Variants in PCDHA6 observed in about 807,000 individuals in gnomAD.
PCDHA6 encodes protocadherin alpha-6.
Under a neutral mutation model 60.3 loss-of-function variants are expected in PCDHA6, and 55 were observed. That is an observed-to-expected ratio of 0.91 (90% CI 0.73 to 1.14). The LOEUF is 1.14. PCDHA6 is among the 50% of genes most tolerant of loss of function. The probability of loss-of-function intolerance (pLI) is 0.00; values close to 1 mark genes in which losing one functional copy is unlikely to be tolerated. For missense variants in PCDHA6, 1,327 were observed against 1,256.5 expected (o/e 1.06, Z -0.85); for synonymous variants, 652 against 557.9 (o/e 1.17, Z -2.38).
At chr5:141,002,184 T>A (rs1554258557) in intron 3 of PCDHA6, among the ~76,000 whole-genome samples, 1 of 152,218 alleles carries the variant, frequency 6.6e-6, no homozygotes, top group East Asian at 1.9e-4. Flanking sequence ...CAGAGTGCTG[T>A]CTGGCAAGAT....
rs2150353254 is a variant in PCDHA6 at position 140,843,123 on chromosome 5, C to A, written c.2394+12638C>A. On this transcript the variant is annotated intron_variant, in intron 1 of 3. Transcript: ENST00000529310. ...AAGGTGCGCGCAGTGGACGCCGACT[C>A]GGGCTACAACGCGTGGCTTTCGTAT... The A allele has an allele frequency of 3.1e-6, 5 of 1,595,902 alleles. No individual in the cohort carries two copies. In the South Asian group the frequency reaches 3.3e-5, roughly 11 times the overall value.
chr5:140,863,411 T>G, intron 1 of PCDHA6: 4 of 754,032 alleles, frequency 5.3e-6, no homozygotes, highest in African/African-American at 1.8e-5. Context: ...CCCACGCTGG[T>G]GTACCGCAGC....
intron 2 of PCDHA6, among the ~76,000 whole-genome samples, 188 bp downstream of exon 2, chr5:140,979,195 T>C (rs1554240340): frequency 1.3e-5 from 2 of 152,232 alleles, no homozygotes; most frequent in African/African-American, 4.8e-5. Context: ...GCCAGATGCT[T>C]ATCAAGTGCT....
intron 1 of PCDHA6, among the ~76,000 whole-genome samples, chr5:140,915,164 G>T (rs782783727): frequency 2.6e-5 from 4 of 152,026 alleles, no homozygotes; most frequent in Non-Finnish European, 4.4e-5. Flanking sequence ...GGCCAGGATA[G>T]TCTCGATCTC....
In PCDHA6 at chr5:141,010,166, A is replaced by G; in HGVS notation, c.*229A>G. 1 of 1,562,828 alleles carries G rather than the reference A, an allele frequency of 6.4e-7. No homozygotes were observed. The highest frequency in any genetic ancestry group is 8.7e-7 in the Non-Finnish European group (1 of 1,152,678). ...TCTCTCCACTCTGGCTTGTTTTCAG[A>G]ACCTAAAAAGCAGACCCAAGTTTCC... On this transcript the variant is annotated 3_prime_UTR_variant, in exon 4 of 4. Transcript: ENST00000529310.
At chr5:140,836,321 C>G (rs2150257689) in intron 1 of PCDHA6, 3 of 1,613,768 alleles carry the variant, frequency 1.9e-6, no homozygotes, top group Non-Finnish European at 2.5e-6. Context: ...CGCGCCACCG[C>G]CTTCTGGTGC....
At chr5:140,926,979 G>A (rs782354889) in intron 1 of PCDHA6, 1 of 1,610,590 alleles carries the variant, frequency 6.2e-7, no homozygotes. Flanking sequence ...TGCCGGAGGA[G>A]ACGGAGCGGG....
chr5:140,903,273 T>G (rs1213268192), intron 1 of PCDHA6, among the ~76,000 whole-genome samples: 2 of 152,228 alleles, frequency 1.3e-5, no homozygotes, highest in Non-Finnish European at 2.9e-5. Flanking sequence ...AGTGAGGTAG[T>G]GTCTCATTGT....
chr5:140,954,996 A>G (rs879953600), intron 1 of PCDHA6, among the ~76,000 whole-genome samples: 16 of 152,214 alleles, frequency 1.1e-4, no homozygotes, highest in Non-Finnish European at 1.6e-4. Flanking sequence ...GCATATGGCT[A>G]GCCAATTCTC....
intron 1 of PCDHA6, among the ~76,000 whole-genome samples, chr5:140,970,662 C>T (rs575204326): frequency 6.6e-6 from 1 of 152,268 alleles, no homozygotes; most frequent in South Asian, 2.1e-4. Flanking sequence ...TGTTATCTTT[C>T]CAAATAACTA....
chr5:140,982,795 A>ATG (rs60616196), intron 3 of PCDHA6, among the ~76,000 whole-genome samples: 5,064 of 151,610 alleles, frequency 0.033, 263 homozygotes, highest in African/African-American at 0.11. Context: ...GCATGTGTGC[A>ATG]TGTGTGTGTG....
At chr5:140,875,754 G>A (rs369339386) in intron 1 of PCDHA6, 2 of 1,614,254 alleles carry the variant, frequency 1.2e-6, no homozygotes, top group African/African-American at 2.7e-5. Flanking sequence ...ACCGCGAGAA[G>A]CTGTGCGGGC....
At chr5:140,917,329 G>GGGGGGGGGGGGT (rs1563018868) in intron 1 of PCDHA6, among the ~76,000 whole-genome samples, 1 of 143,928 alleles carries the variant, frequency 6.9e-6, no homozygotes, top group Non-Finnish European at 1.5e-5. Context: ...TGTGGCGGGG[G>GGGGGGGGGGGGT]AGGGGGGGGA....
chr5:140,988,423 T>G (rs2097297373), intron 3 of PCDHA6, among the ~76,000 whole-genome samples: 2 of 152,176 alleles, frequency 1.3e-5, no homozygotes. Context: ...GTAAAGAATT[T>G]GTTTGTTTTG....
intron 1 of PCDHA6, among the ~76,000 whole-genome samples, chr5:140,961,843 G>T (rs1244708157): frequency 1.3e-5 from 2 of 151,972 alleles, no homozygotes; most frequent in Non-Finnish European, 2.9e-5. Flanking sequence ...CAGTGCCTTG[G>T]AAGATCATTT....
chr5:140,843,259 T>G lies in PCDHA6; in HGVS notation c.2394+12774T>G, dbSNP rs143217470. Reference sequence around the variant, plus strand: ...ACGAAGCGGACTCTCCGCGCCACCGTCTGCTGGTCCTGGTGAAGGATCATG... The same window carrying G: ...ACGAAGCGGACTCTCCGCGCCACCGGCTGCTGGTCCTGGTGAAGGATCATG... On this transcript the variant is annotated intron_variant, in intron 1 of 3. Transcript: ENST00000529310. 98 of 1,596,004 alleles carry G rather than the reference T, an allele frequency of 6.1e-5. 8 individuals are homozygous for G. In the African/African-American group the frequency reaches 1.1e-3, roughly 18 times the overall value.
At chr5:140,856,766 A>G in intron 1 of PCDHA6, 1 of 1,596,904 alleles carries the variant, frequency 6.3e-7, no homozygotes, top group South Asian at 1.1e-5. Flanking sequence ...TAACGCCCCT[A>G]TCTTTGACAG....
intron 1 of PCDHA6, chr5:140,870,277 G>A: frequency 6.2e-7 from 1 of 1,614,168 alleles, no homozygotes; most frequent in Non-Finnish European, 8.5e-7. Context: ...GACGCCCCAC[G>A]TTCCCTTCAA....
intron 1 of PCDHA6, chr5:140,928,542 C>A: frequency 6.2e-7 from 1 of 1,614,158 alleles, no homozygotes; most frequent in Non-Finnish European, 8.5e-7. Flanking sequence ...ATAGGAATGA[C>A]AATTATCCGG....
Sources: allele counts gnomAD v4.1 joint callset (sites outside exome capture counted in the v4.1 genomes callset), GRCh38; gene constraint gnomAD v4.1.1; transcripts MANE v1.5; gene names NCBI Gene and HGNC (gene_info 2026-07-23, HGNC 2026-07-21).